TTC27: variants seen among roughly 807,000 people sequenced by gnomAD.
TTC27 encodes the protein tetratricopeptide repeat domain 27, also known as tetratricopeptide repeat protein 27.
In TTC27, 79 loss-of-function variants were observed where a neutral mutation model predicts 115.9. The observed-to-expected ratio is 0.68, with a 90% CI of 0.57 to 0.82. The LOEUF is 0.82. Ranked by LOEUF, TTC27 falls within the 40% of genes least tolerant of loss-of-function variation. The pLI is 0.00. For missense variants in TTC27, 1,054 were observed against 993.1 expected, an observed-to-expected ratio of 1.06 and a Z score of -0.82; for synonymous variants, 401 against 356.0, an observed-to-expected ratio of 1.13 and a Z score of -1.42.
chr2:32,629,142 A>G (rs891988435), intron 1 of TTC27, among the ~76,000 whole-genome samples: 2 of 150,924 alleles, frequency 1.3e-5, no homozygotes, highest in South Asian at 2.1e-4. Flanking sequence ...TTTTGGGGGG[A>G]TGGAGTCTCC....
At chr2:32,681,685 A>C (rs1328749545) in intron 9 of TTC27, among the ~76,000 whole-genome samples, 2 of 145,440 alleles carry the variant, frequency 1.4e-5, no homozygotes, top group Non-Finnish European at 3.0e-5. Flanking sequence ...GCTCAGTGTT[A>C]GATGATGTTT....
chr2:32,655,144 A>G (rs886823946), intron 5 of TTC27, among the ~76,000 whole-genome samples: 7 of 151,506 alleles, frequency 4.6e-5, no homozygotes, highest in African/African-American at 1.5e-4. Context: ...GCCCGCCACC[A>G]TGTCTGGCCA....
At chr2:32,796,509 T>C (rs1209591727) in intron 16 of TTC27, among the ~76,000 whole-genome samples, 4 of 152,160 alleles carry the variant, frequency 2.6e-5, no homozygotes, top group Non-Finnish European at 5.9e-5. Flanking sequence ...AAGAGAATAT[T>C]GTGAACAAGT....
intron 2 of TTC27, among the ~76,000 whole-genome samples, 164 bp from the exon 3 acceptor site, chr2:32,633,712 T>C (rs1002540849): frequency 6.6e-6 from 1 of 152,184 alleles, no homozygotes; most frequent in Non-Finnish European, 1.5e-5. Context: ...CTAACCTAAA[T>C]TGTTTTAAGT....
intron 8 of TTC27, among the ~76,000 whole-genome samples, chr2:32,678,124 G>A (rs75197110): frequency 0.09 from 13,653 of 151,878 alleles, 849 homozygotes; most frequent in Non-Finnish European, 0.13. Context: ...GAATGGTGGC[G>A]TACGCCTGTA....
intron 12 of TTC27, among the ~76,000 whole-genome samples, chr2:32,756,739 C>T (rs17012199): frequency 0.014 from 2,170 of 152,340 alleles, 47 homozygotes; most frequent in African/African-American, 0.047. Flanking sequence ...GGATGGCTTT[C>T]CTGGATATGT....
At chr2:32,712,019 G>A (rs1169434778) in intron 10 of TTC27, among the ~76,000 whole-genome samples, 2 of 152,148 alleles carry the variant, frequency 1.3e-5, no homozygotes, top group Non-Finnish European at 2.9e-5. Flanking sequence ...TCTATTATGT[G>A]TTGAGGAAAT....
chr2:32,696,269 T>C (rs1436481833), intron 9 of TTC27, among the ~76,000 whole-genome samples: 5 of 74,206 alleles, frequency 6.7e-5, no homozygotes, highest in Non-Finnish European at 1.9e-4. Context: ...CATTTTTGTT[T>C]ATTTTATTTT....
intron 1 of TTC27, among the ~76,000 whole-genome samples, chr2:32,628,825 A>T (rs1227252034): frequency 6.6e-6 from 1 of 151,976 alleles, no homozygotes; most frequent in Admixed American, 6.6e-5. Flanking sequence ...CAATGGCGCG[A>T]TCTCGGCTCG....
At chr2:32,644,984 A>G (rs747436527) in intron 4 of TTC27, among the ~76,000 whole-genome samples, 12 of 150,108 alleles carry the variant, frequency 8.0e-5, no homozygotes, top group Middle Eastern at 3.5e-3. Flanking sequence ...CTAGGACTAT[A>G]GGCACCTGGC....
At position 32,758,362 on chromosome 2, in the gene TTC27, T is replaced by A. The variant is rs758090495; in HGVS notation, c.1523T>A (p.Val508Asp). 1 of 1,614,222 alleles carries A rather than the reference T, an allele frequency of 6.2e-7. No individual in the cohort carries two copies. Among genetic ancestry groups the A allele is most frequent in the East Asian group, 2.2e-5 (1 of 44,884 alleles). The change falls in exon 13 of 20, where the codon GTC becomes GAC. Residue 508 changes from valine to aspartate, a missense_variant. Coordinates refer to ENST00000317907, the MANE Select transcript of TTC27 (RefSeq NM_017735.5). ...TPSLYCLLGD[V>D]LGDHSCYDKA... ...AGTTTATACTGCTTGCTTGGAGATG[T>A]CCTCGGAGACCATTCTTGCTATGAC...
At chr2:32,642,434 G>A (rs958496422) in intron 4 of TTC27, among the ~76,000 whole-genome samples, 3 of 151,426 alleles carry the variant, frequency 2.0e-5, no homozygotes, top group African/African-American at 7.3e-5. Flanking sequence ...TGTATTTTTA[G>A]TAGAGACATG....
In TTC27 at chr2:32,812,553, G is replaced by A. The variant is rs1328022128; in HGVS notation, c.2246G>A (p.Cys749Tyr). The A allele has an allele frequency of 6.2e-7, 1 of 1,614,116 alleles. No individual in the cohort carries two copies. Among genetic ancestry groups the A allele is most frequent in the East Asian group, 2.2e-5 (1 of 44,874 alleles). Residue 749 changes from cysteine to tyrosine, a missense_variant, in exon 18 of 20, where the codon TGT becomes TAT. Coordinates refer to ENST00000317907, the MANE Select transcript of TTC27 (RefSeq NM_017735.5). ...KAYKCDTQSNCWEKDITSFKE... is the reference protein window; with the variant it reads ...KAYKCDTQSNYWEKDITSFKE... ...TACAAGTGTGACACCCAGTCCAATT[G>A]TTGGGAGAAAGATATTACATCATTT...
At chr2:32,654,101 C>G (rs974254334) in intron 5 of TTC27, among the ~76,000 whole-genome samples, 1 of 152,174 alleles carries the variant, frequency 6.6e-6, no homozygotes, top group Admixed American at 6.5e-5. Context: ...TAGAGATAAT[C>G]TTGTCTAGTT....
chr2:32,635,275 A>G (rs534365926), intron 3 of TTC27: 2 of 153,914 alleles, frequency 1.3e-5, no homozygotes, highest in African/African-American at 2.4e-5. Context: ...GAACGTAGCT[A>G]TCCACCACTC....
intron 12 of TTC27, among the ~76,000 whole-genome samples, chr2:32,754,744 C>A (rs540628615): frequency 6.6e-5 from 10 of 151,564 alleles, no homozygotes; most frequent in African/African-American, 2.4e-4. Flanking sequence ...TCTCTCACCT[C>A]CCGGACGGGG....
At chr2:32,772,911 T>G (rs1669876957) in intron 13 of TTC27, among the ~76,000 whole-genome samples, 1 of 152,108 alleles carries the variant, frequency 6.6e-6, no homozygotes, top group Non-Finnish European at 1.5e-5. Context: ...TATTTCACAC[T>G]TGGGGAACTG....
chr2:32,777,351 C>T (rs570402225), intron 13 of TTC27, among the ~76,000 whole-genome samples: 2 of 152,376 alleles, frequency 1.3e-5, no homozygotes, highest in Non-Finnish European at 2.9e-5. Flanking sequence ...ATACCAAAAT[C>T]CATGATGCTC....
At chr2:32,660,166 C>T (rs927127770) in intron 5 of TTC27, among the ~76,000 whole-genome samples, 13 of 152,154 alleles carry the variant, frequency 8.5e-5, no homozygotes, top group Non-Finnish European at 1.5e-4. Context: ...TCCACATCTT[C>T]TCCAGCATCT....
Sources: allele counts gnomAD v4.1 joint callset (sites outside exome capture counted in the v4.1 genomes callset), GRCh38; gene constraint gnomAD v4.1.1; transcripts MANE v1.5; gene names NCBI Gene and HGNC (gene_info 2026-07-23, HGNC 2026-07-21).